PDE1A: variants seen among roughly 807,000 people sequenced by gnomAD.
PDE1A encodes dual specificity calcium/calmodulin-dependent 3',5'-cyclic nucleotide phosphodiesterase 1A.
Under a neutral mutation model 61.7 loss-of-function variants are expected in PDE1A, and 35 were observed. That is an observed-to-expected ratio of 0.57 (90% CI 0.43 to 0.75). PDE1A has a LOEUF of 0.75. Among genes scored for constraint, PDE1A ranks in the 30% least tolerant of loss-of-function variants. The pLI, the probability that PDE1A is intolerant of heterozygous loss-of-function variation, is 0.00. For missense variants in PDE1A, 597 were observed against 630.6 expected (o/e 0.95, Z 0.57); for synonymous variants, 232 against 213.2 (o/e 1.09, Z -0.77).
intron 2 of PDE1A, among the ~76,000 whole-genome samples, chr2:182,494,270 G>A (rs1298666982): frequency 1.3e-5 from 2 of 151,234 alleles, no homozygotes; most frequent in Non-Finnish European, 2.9e-5. Context: ...TAAATGTGTA[G>A]TAAGCTTACA....
At chr2:182,424,584 A>G (rs142721523) in intron 1 of PDE1A, among the ~76,000 whole-genome samples, 1 of 152,334 alleles carries the variant, frequency 6.6e-6, no homozygotes, top group Non-Finnish European at 1.5e-5. Context: ...GAAGTGAGGC[A>G]TGAGATAAGA....
intron 1 of PDE1A, among the ~76,000 whole-genome samples, chr2:182,340,313 C>T (rs979613805): frequency 6.6e-6 from 1 of 152,074 alleles, no homozygotes; most frequent in East Asian, 1.9e-4. Context: ...ATGGGTAATG[C>T]CTGCTCTCAT....
intron 7 of PDE1A, among the ~76,000 whole-genome samples, chr2:182,221,745 T>C (rs1231320866): frequency 6.6e-6 from 1 of 152,012 alleles, no homozygotes. Context: ...TGTGTCCATC[T>C]CTGGCTGTGG....
chr2:182,656,806 G>C, the PDE1A span, among the ~76,000 whole-genome samples: 1 of 152,108 alleles, frequency 6.6e-6, no homozygotes, highest in African/African-American at 2.4e-5. Context: ...TCATACAATA[G>C]ATCCTGAAAA....
chr2:182,608,717 G>A, the PDE1A span, among the ~76,000 whole-genome samples: 1 of 152,316 alleles, frequency 6.6e-6, no homozygotes, highest in East Asian at 1.9e-4. Flanking sequence ...GAGCCTCCCC[G>A]ACCAGCGCCG....
At chr2:182,571,284 C>T in the PDE1A span, among the ~76,000 whole-genome samples, 1 of 151,888 alleles carries the variant, frequency 6.6e-6, no homozygotes, top group African/African-American at 2.4e-5. Flanking sequence ...TGAAATATCA[C>T]CAAGAGGAAG....
At chr2:182,294,833 G>C (rs981219077) in intron 1 of PDE1A, among the ~76,000 whole-genome samples, 13 of 152,042 alleles carry the variant, frequency 8.6e-5, no homozygotes, top group African/African-American at 2.7e-4. Flanking sequence ...ACAGAGGTGA[G>C]CCATGAGGGC....
intron 1 of PDE1A, among the ~76,000 whole-genome samples, chr2:182,310,704 T>C (rs781281285): frequency 2.0e-5 from 3 of 152,178 alleles, no homozygotes; most frequent in Non-Finnish European, 4.4e-5. Context: ...AAAGCCAAAC[T>C]GAACTCCTCA....
At chr2:182,607,788 T>C in the PDE1A span, among the ~76,000 whole-genome samples, 3 of 152,206 alleles carry the variant, frequency 2.0e-5, no homozygotes, top group African/African-American at 7.2e-5. Context: ...GCACATGATG[T>C]TACTTAGGAA....
intron 2 of PDE1A, among the ~76,000 whole-genome samples, chr2:182,461,056 T>G (rs1387532172): frequency 6.6e-6 from 1 of 152,200 alleles, no homozygotes; most frequent in African/African-American, 2.4e-5. Context: ...AAGTACCCTA[T>G]GAGTGGTCAG....
the PDE1A span, among the ~76,000 whole-genome samples, chr2:182,667,808 A>G: frequency 6.6e-6 from 1 of 152,216 alleles, no homozygotes; most frequent in African/African-American, 2.4e-5. Flanking sequence ...GCAACCCAAA[A>G]TGAGAGATTT....
At chr2:182,610,857 A>G in the PDE1A span, among the ~76,000 whole-genome samples, 3 of 150,618 alleles carry the variant, frequency 2.0e-5, no homozygotes, top group South Asian at 6.2e-4. Context: ...TTGAATTATT[A>G]ACAATATAAG....
chr2:182,176,280 T>C (rs1409836849), intron 13 of PDE1A, among the ~76,000 whole-genome samples: 3 of 149,198 alleles, frequency 2.0e-5, no homozygotes, highest in African/African-American at 5.2e-5. Context: ...TTGGGCAGTA[T>C]GGCCATTTTC....
At chr2:182,242,164 A>G (rs1690567677) in intron 2 of PDE1A, 1 of 831,890 alleles carries the variant, frequency 1.2e-6, no homozygotes, top group Non-Finnish European at 1.6e-6. Context: ...GATGGTGCCA[A>G]TTCCTCCACA....
intron 1 of PDE1A, among the ~76,000 whole-genome samples, chr2:182,296,937 C>T (rs1017410064): frequency 1.3e-5 from 2 of 152,104 alleles, no homozygotes; most frequent in African/African-American, 4.8e-5. Flanking sequence ...CTTCTCCTGC[C>T]ATTGGTCAAG....
chr2:182,615,543 G>A, the PDE1A span, among the ~76,000 whole-genome samples: 8 of 152,162 alleles, frequency 5.3e-5, no homozygotes, highest in South Asian at 4.2e-4. Context: ...TAATTATCTC[G>A]ACATGTGTTA....
chr2:182,591,561 T>C, the PDE1A span, among the ~76,000 whole-genome samples: 1 of 149,040 alleles, frequency 6.7e-6, no homozygotes, highest in Admixed American at 6.6e-5. Context: ...GCACTACCAA[T>C]ATTCTGGGTT....
chr2:182,169,631 C>A (rs1284235376), intron 13 of PDE1A, among the ~76,000 whole-genome samples: 1 of 152,010 alleles, frequency 6.6e-6, no homozygotes, highest in African/African-American at 2.4e-5. Context: ...CTGACTGTAT[C>A]TAACTATGAG....
At chr2:182,691,699 G>C in the PDE1A span, among the ~76,000 whole-genome samples, 10 of 152,200 alleles carry the variant, frequency 6.6e-5, no homozygotes, top group African/African-American at 2.2e-4. Context: ...TTAAACTAAA[G>C]AGCTTCTGCA....
Sources: gnomAD v4.1 joint callset for allele counts (sites outside exome capture counted in the v4.1 genomes callset) on GRCh38, gnomAD v4.1.1 for gene constraint, MANE v1.5 for transcripts, NCBI Gene and HGNC (gene_info 2026-07-23, HGNC 2026-07-21) for gene names.